Variants in UBE2E2 observed in about 807,000 individuals in gnomAD.
UBE2E2 encodes the protein ubiquitin-conjugating enzyme E2 E2.
UBE2E2 carries 6 observed loss-of-function variants against 24.7 expected under a neutral mutation model. The ratio of observed to expected loss-of-function variants is 0.24; its 90% CI spans 0.13 to 0.48. UBE2E2 has a LOEUF of 0.48. UBE2E2 is among the 20% of genes least tolerant of loss of function. The probability of loss-of-function intolerance (pLI) is 0.99; values close to 1 mark genes in which losing one functional copy is unlikely to be tolerated. For missense variants in UBE2E2, 169 were observed against 245.0 expected (o/e 0.69, Z 2.07); for synonymous variants, 104 against 83.6 (o/e 1.24, Z -1.33).
intron 4 of UBE2E2, among the ~76,000 whole-genome samples, chr3:23,530,664 A>G (rs1186898812): frequency 6.6e-6 from 1 of 152,148 alleles, no homozygotes; most frequent in Non-Finnish European, 1.5e-5. Context: ...TTTCTTTGCT[A>G]TCTCTGTCAT....
At chr3:23,272,631 A>G (rs1559328798) in intron 3 of UBE2E2, among the ~76,000 whole-genome samples, 1 of 152,218 alleles carries the variant, frequency 6.6e-6, no homozygotes, top group Non-Finnish European at 1.5e-5. Context: ...TGTTAGTCAT[A>G]GTTCTACAGA....
intron 3 of UBE2E2, among the ~76,000 whole-genome samples, chr3:23,488,200 C>CTT (rs11352255): frequency 1.2e-4 from 17 of 140,244 alleles, no homozygotes; most frequent in Non-Finnish European, 1.7e-4. Flanking sequence ...GATTACATTT[C>CTT]TTTTTTTTTT....
At chr3:23,353,137 C>T (rs925043537) in intron 3 of UBE2E2, among the ~76,000 whole-genome samples, 36 of 152,222 alleles carry the variant, frequency 2.4e-4, no homozygotes, top group African/African-American at 8.4e-4. Context: ...CAAAAACCAC[C>T]ATGATTATCT....
chr3:23,282,678 A>G (rs991129729), intron 3 of UBE2E2, among the ~76,000 whole-genome samples: 2 of 152,184 alleles, frequency 1.3e-5, no homozygotes, highest in Non-Finnish European at 2.9e-5. Context: ...TGCCAACAAA[A>G]TGATTTAAAA....
At chr3:23,273,445 G>C (rs1394979789) in intron 3 of UBE2E2, among the ~76,000 whole-genome samples, 1 of 151,958 alleles carries the variant, frequency 6.6e-6, no homozygotes, top group Non-Finnish European at 1.5e-5. Flanking sequence ...GCAGGAGAAT[G>C]GTGTGAACCC....
chr3:23,564,088 G>A (rs1415711513), intron 5 of UBE2E2, among the ~76,000 whole-genome samples: 1 of 152,030 alleles, frequency 6.6e-6, no homozygotes, highest in Non-Finnish European at 1.5e-5. Context: ...GTGAAGAATG[G>A]TTATTTAAGC....
intron 3 of UBE2E2, among the ~76,000 whole-genome samples, chr3:23,457,660 C>T (rs1032267628): frequency 2.6e-5 from 4 of 152,168 alleles, no homozygotes; most frequent in Non-Finnish European, 5.9e-5. Flanking sequence ...GGACTACAGG[C>T]ATTCACCACC....
chr3:23,386,486 T>A (rs1696808232), intron 3 of UBE2E2, among the ~76,000 whole-genome samples: 1 of 152,186 alleles, frequency 6.6e-6, no homozygotes, highest in African/African-American at 2.4e-5. Flanking sequence ...GGAATAAGAA[T>A]GATTACAGGT....
chr3:23,554,884 G>A (rs1460996740), intron 5 of UBE2E2, among the ~76,000 whole-genome samples: 1 of 151,228 alleles, frequency 6.6e-6, no homozygotes, highest in African/African-American at 2.4e-5. Flanking sequence ...TCAGTAGCAA[G>A]AAAACATATA....
chr3:23,485,576 A>G (rs1699350188), intron 3 of UBE2E2, among the ~76,000 whole-genome samples: 1 of 152,110 alleles, frequency 6.6e-6, no homozygotes. Flanking sequence ...TTTTTGTTGA[A>G]GTAGTAATGT....
intron 4 of UBE2E2, among the ~76,000 whole-genome samples, chr3:23,506,466 C>G (rs1482951021): frequency 6.6e-6 from 1 of 152,144 alleles, no homozygotes; most frequent in Admixed American, 6.5e-5. Context: ...CACAGCTAGC[C>G]AGACCCAGTC....
chr3:23,579,847 G>A (rs893757239), intron 5 of UBE2E2, among the ~76,000 whole-genome samples: 1 of 152,196 alleles, frequency 6.6e-6, no homozygotes, highest in Non-Finnish European at 1.5e-5. Context: ...TGTGATTCAT[G>A]GGAGGAGGTC....
At chr3:23,442,445 T>G (rs975494328) in intron 3 of UBE2E2, among the ~76,000 whole-genome samples, 1 of 152,150 alleles carries the variant, frequency 6.6e-6, no homozygotes, top group Non-Finnish European at 1.5e-5. Flanking sequence ...TTAAGATCTG[T>G]CTTCTGATCC....
chr3:23,310,446 G>A (rs1304870922), intron 3 of UBE2E2, among the ~76,000 whole-genome samples: 3 of 152,032 alleles, frequency 2.0e-5, no homozygotes, highest in Non-Finnish European at 2.9e-5. Context: ...ATTGTTACAT[G>A]TTTAGACTGA....
Position 23,208,891 on chromosome 3 carries a change from T to C in UBE2E2, c.176+16T>C, listed in dbSNP as rs779443777. 5 of 1,589,938 alleles carry C rather than the reference T, an allele frequency of 3.1e-6. No individual in the cohort carries two copies. The highest frequency in any genetic ancestry group is 4.5e-5 in the East Asian group (2 of 44,068). On this transcript the variant is annotated intron_variant, in intron 2 of 5. Transcript: ENST00000396703. The stretch of plus-strand genomic sequence containing the variant: ...GTGCTAAAAGGTACTTCAGTTATTA[T>C]AACCTTTTTATTGTTGGTATCAATT...
chr3:23,522,229 C>T (rs1694885202), intron 4 of UBE2E2, among the ~76,000 whole-genome samples: 1 of 150,688 alleles, frequency 6.6e-6, no homozygotes, highest in South Asian at 2.1e-4. Flanking sequence ...CTCCCGGGTT[C>T]GCGCCGTTCT....
chr3:23,372,355 A>G, intron 3 of UBE2E2, among the ~76,000 whole-genome samples: 1 of 152,150 alleles, frequency 6.6e-6, no homozygotes. Context: ...AAGTGATACC[A>G]CTGGAAGAAA....
At chr3:23,233,263 T>C (rs1009701268) in intron 3 of UBE2E2, among the ~76,000 whole-genome samples, 10 of 152,194 alleles carry the variant, frequency 6.6e-5, no homozygotes, top group Admixed American at 4.6e-4. Flanking sequence ...TCAGTCTTTT[T>C]AGTTTAAGGT....
intron 3 of UBE2E2, among the ~76,000 whole-genome samples, chr3:23,425,361 A>C (rs886719433): frequency 3.3e-5 from 5 of 152,172 alleles, no homozygotes; most frequent in African/African-American, 7.2e-5. Context: ...TAAAGGGGGA[A>C]GCTCAACTAA....
Sources: allele counts gnomAD v4.1 joint callset (sites outside exome capture counted in the v4.1 genomes callset), GRCh38; gene constraint gnomAD v4.1.1; transcripts MANE v1.5; gene names NCBI Gene and HGNC (gene_info 2026-07-23, HGNC 2026-07-21).